Variants in PTN observed in about 807,000 individuals in gnomAD.
PTN encodes the protein pleiotrophin.
A neutral mutation model predicts 24.1 loss-of-function variants in PTN; 18 were observed. The observed-to-expected ratio is 0.75, with a 90% CI of 0.52 to 1.11. PTN has a LOEUF of 1.11. Ranked by LOEUF, PTN falls within the 50% of genes least tolerant of loss-of-function variation. The probability of loss-of-function intolerance (pLI) is 0.00; values close to 1 mark genes in which losing one functional copy is unlikely to be tolerated. For synonymous variants in PTN, 78 were observed against 68.6 expected (o/e 1.14, Z -0.67); for missense variants, 163 against 198.8 (o/e 0.82, Z 1.08).
intron 1 of PTN, among the ~76,000 whole-genome samples, chr7:137,261,259 C>T (rs1303980934): frequency 1.3e-5 from 2 of 152,156 alleles, no homozygotes; most frequent in African/African-American, 4.8e-5. Context: ...ACTAGGGATG[C>T]TCAGCTTCAA....
At chr7:137,244,527 C>G (rs1808690210) in intron 4 of PTN, among the ~76,000 whole-genome samples, 1 of 151,834 alleles carries the variant, frequency 6.6e-6, no homozygotes, top group Non-Finnish European at 1.5e-5. Context: ...CTATCCCTCC[C>G]CCCTCCTCCC....
At chr7:137,260,700 T>A (rs1432766698) in intron 1 of PTN, among the ~76,000 whole-genome samples, 1 of 152,178 alleles carries the variant, frequency 6.6e-6, no homozygotes, top group Non-Finnish European at 1.5e-5. Flanking sequence ...TCTCTTCAGC[T>A]GCAAATTGGC....
chr7:137,284,699 T>C (rs1008870618), intron 1 of PTN, among the ~76,000 whole-genome samples: 67 of 152,300 alleles, frequency 4.4e-4, no homozygotes, highest in Admixed American at 4.4e-3. Context: ...CACTGTTAGA[T>C]GACTACATTC....
intron 1 of PTN, among the ~76,000 whole-genome samples, chr7:137,303,642 A>G (rs958268400): frequency 2.6e-5 from 4 of 152,056 alleles, no homozygotes; most frequent in Admixed American, 6.6e-5. Flanking sequence ...TAAAGTCAGT[A>G]GGAAAATCAT....
chr7:137,259,895 C>T (rs541853314), intron 1 of PTN, among the ~76,000 whole-genome samples: 27 of 152,144 alleles, frequency 1.8e-4, no homozygotes, highest in African/African-American at 6.3e-4. Context: ...TGTAATTTAA[C>T]TTGTATGAAA....
At chr7:137,278,000 A>G (rs1809393266) in intron 1 of PTN, among the ~76,000 whole-genome samples, 1 of 152,136 alleles carries the variant, frequency 6.6e-6, no homozygotes, top group Admixed American at 6.5e-5. Flanking sequence ...TTAAGCATAA[A>G]TTCATTTTTT....
chr7:137,286,033 T>C (rs1341310802), intron 1 of PTN, among the ~76,000 whole-genome samples: 1 of 152,226 alleles, frequency 6.6e-6, no homozygotes, highest in Non-Finnish European at 1.5e-5. Flanking sequence ...GCCAAGTATA[T>C]TGGTATCCAA....
At chr7:137,331,321 C>T (rs536215691) in intron 1 of PTN, among the ~76,000 whole-genome samples, 1 of 152,304 alleles carries the variant, frequency 6.6e-6, no homozygotes, top group South Asian at 2.1e-4. Context: ...AGTACATCTT[C>T]AAATCCCCAG....
intron 1 of PTN, among the ~76,000 whole-genome samples, chr7:137,304,558 C>T (rs1476506182): frequency 6.6e-6 from 1 of 151,410 alleles, no homozygotes; most frequent in African/African-American, 2.4e-5. Context: ...ACAGGGAGGG[C>T]AAAAAAGAAG....
intron 1 of PTN, among the ~76,000 whole-genome samples, chr7:137,261,398 A>G (rs961865947): frequency 3.9e-5 from 6 of 152,190 alleles, no homozygotes; most frequent in African/African-American, 1.2e-4. Flanking sequence ...TCTCATGGTA[A>G]TAATATAAAT....
At chr7:137,319,258 T>G (rs1810123951) in intron 1 of PTN, among the ~76,000 whole-genome samples, 1 of 152,206 alleles carries the variant, frequency 6.6e-6, no homozygotes, top group Non-Finnish European at 1.5e-5. Flanking sequence ...TTTCCACACT[T>G]AACAGAATTC....
intron 1 of PTN, among the ~76,000 whole-genome samples, chr7:137,266,880 T>TC (rs1809159482): frequency 6.7e-6 from 1 of 149,860 alleles, no homozygotes; most frequent in African/African-American, 2.4e-5. Flanking sequence ...TTTTTTTTTT[T>TC]TTTTTTTTTT....
chr7:137,303,929 C>A (rs957813771), intron 1 of PTN, among the ~76,000 whole-genome samples: 3 of 151,878 alleles, frequency 2.0e-5, no homozygotes, highest in African/African-American at 7.3e-5. Context: ...CCACAACACA[C>A]AAAAAAATTT....
At chr7:137,262,047 G>A (rs1290641771) in intron 1 of PTN, among the ~76,000 whole-genome samples, 1 of 152,074 alleles carries the variant, frequency 6.6e-6, no homozygotes, top group Admixed American at 6.6e-5. Flanking sequence ...CATGCCTTGT[G>A]GAAGAGTTTC....
chr7:137,342,895 G>T lies in PTN; in HGVS notation c.-2+544C>A, dbSNP rs550963307. ...TCAGGTGGGAAGACGGGTGCCAGTA[G>T]TTCCGTGAGAGACGTTTCATGTCAG... On this transcript the variant is annotated intron_variant, in intron 1 of 4. Transcript: ENST00000348225. Among the ~76,000 whole-genome samples the T allele has an allele frequency of 2.0e-5, 3 of 152,240 alleles. No homozygotes were observed. In the South Asian group the frequency reaches 6.2e-4, roughly 32 times the overall value.
chr7:137,322,621 CA>C (rs1389916533), intron 1 of PTN, among the ~76,000 whole-genome samples: 1 of 152,088 alleles, frequency 6.6e-6, no homozygotes, highest in Non-Finnish European at 1.5e-5. Context: ...TATACAGCCA[CA>C]TAAAACATTA....
intron 1 of PTN, among the ~76,000 whole-genome samples, chr7:137,267,232 TTCTC>T (rs1420322619): frequency 6.6e-6 from 1 of 152,082 alleles, no homozygotes; most frequent in Non-Finnish European, 1.5e-5. Flanking sequence ...GCCTCTATCT[TTCTC>T]TGTCTCTCTC....
At chr7:137,247,619 T>C (rs1478394651) in intron 4 of PTN, among the ~76,000 whole-genome samples, 3 of 152,140 alleles carry the variant, frequency 2.0e-5, no homozygotes, top group African/African-American at 7.2e-5. Context: ...ATATAGTCAA[T>C]AATAAGTGTA....
In PTN at chr7:137,343,461, T is replaced by A; in HGVS notation, c.-24A>T. 1 of 518,206 alleles carries A rather than the reference T, an allele frequency of 1.9e-6. No individual in the cohort carries two copies. Among genetic ancestry groups the A allele is most frequent in the Non-Finnish European group, 3.9e-6 (1 of 259,524 alleles). The allele number at this position is 518,206 out of a possible 1,614,324, so 32.1% of individuals were successfully genotyped here. A position where few individuals can be genotyped will look rare whatever the true frequency, so the allele number is the denominator to read the frequency against. On this transcript the variant is annotated 5_prime_UTR_variant, in exon 1 of 5. Transcript: ENST00000348225. Reference sequence around the variant, plus strand: ...TACTTTGAGTTGGAAACGTCCTCTCTGGCGCTCAGTCTGCCTTTGTTGCAA... The same window carrying A: ...TACTTTGAGTTGGAAACGTCCTCTCAGGCGCTCAGTCTGCCTTTGTTGCAA...
Sources: allele counts gnomAD v4.1 joint callset (sites outside exome capture counted in the v4.1 genomes callset), GRCh38; gene constraint gnomAD v4.1.1; transcripts MANE v1.5; gene names NCBI Gene and HGNC (gene_info 2026-07-23, HGNC 2026-07-21).